The following NTM variants were observed in gnomAD, a reference collection of about 807,000 sequenced individuals.
The protein encoded by NTM is IgLON family member 2.
A neutral mutation model predicts 42.1 loss-of-function variants in NTM; 13 were observed. That is an observed-to-expected ratio of 0.31 (90% confidence interval 0.20 to 0.49). The LOEUF (loss-of-function observed/expected upper bound fraction) is 0.49. Among genes scored for constraint, NTM ranks in the 20% least tolerant of loss-of-function variants. The probability of loss-of-function intolerance (pLI) is 0.99; values close to 1 mark genes in which losing one functional copy is unlikely to be tolerated. For synonymous variants in NTM, 187 were observed against 179.2 expected, an observed-to-expected ratio of 1.04 and a Z score of -0.35; for missense variants, 373 against 452.8, an observed-to-expected ratio of 0.82 and a Z score of 1.60.
At chr11:131,852,125 G>C (rs1384380454) in intron 1 of NTM, among the ~76,000 whole-genome samples, 1 of 152,078 alleles carries the variant, frequency 6.6e-6, no homozygotes, top group Non-Finnish European at 1.5e-5. Context: ...CAGGGACAGA[G>C]TGTTCTAACC....
intron 2 of NTM, among the ~76,000 whole-genome samples, chr11:132,061,695 T>A (rs2080702465): frequency 6.6e-6 from 1 of 152,136 alleles, no homozygotes; most frequent in Non-Finnish European, 1.5e-5. Context: ...TCTCCTATGT[T>A]CCTGGGCATC....
At chr11:131,782,559 A>G (rs2088363740) in intron 1 of NTM, among the ~76,000 whole-genome samples, 1 of 152,142 alleles carries the variant, frequency 6.6e-6, no homozygotes, top group Non-Finnish European at 1.5e-5. Flanking sequence ...AAAAAGCTCT[A>G]TTAATCAAAA....
intron 2 of NTM, among the ~76,000 whole-genome samples, chr11:131,941,042 G>A (rs1348041060): frequency 1.3e-5 from 2 of 152,324 alleles, no homozygotes; most frequent in East Asian, 1.9e-4. Flanking sequence ...TAGGGCACGT[G>A]GAGGGGTTAA....
chr11:132,335,790 A>C lies in NTM; in HGVS notation c.*644A>C, dbSNP rs1204960665. ...CATGGATAACAAGGGATTCTGATTC[A>C]TTATTAATTTCATTAATTATATTTT... On this transcript the variant is annotated 3_prime_UTR_variant, in exon 9 of 9. Coordinates refer to ENST00000683400, the MANE Select transcript of NTM (RefSeq NM_001352005.2). 2 of 152,336 alleles carry C rather than the reference A, an allele frequency of 1.3e-5. No homozygotes were observed. Among genetic ancestry groups the C allele is most frequent in the Non-Finnish European group, 2.9e-5 (2 of 68,024 alleles). 9.4% of individuals were successfully genotyped at this position (152,336 alleles called of 1,614,324 possible). A position where few individuals can be genotyped will look rare whatever the true frequency, so the allele number is the denominator to read the frequency against.
chr11:131,816,835 T>C (rs1455319445), intron 1 of NTM, among the ~76,000 whole-genome samples: 2 of 98,090 alleles, frequency 2.0e-5, no homozygotes, highest in Non-Finnish European at 3.9e-5. Flanking sequence ...CAAGGGTCCA[T>C]ACTTAGCATA....
At chr11:131,501,118 C>T (rs76726974) in intron 1 of NTM, among the ~76,000 whole-genome samples, 1,702 of 152,108 alleles carry the variant, frequency 0.011, 37 homozygotes, top group African/African-American at 0.038. Context: ...TGCCTAGATA[C>T]GTAACCACAA....
At chr11:131,785,846 G>GTCAAATA (rs1480022486) in intron 1 of NTM, among the ~76,000 whole-genome samples, 2 of 152,254 alleles carry the variant, frequency 1.3e-5, no homozygotes, top group Non-Finnish European at 2.9e-5. Flanking sequence ...TAAACAGTCT[G>GTCAAATA]TCAAATATCA....
At chr11:131,461,879 A>C (rs766000798) in intron 1 of NTM, among the ~76,000 whole-genome samples, 3 of 152,248 alleles carry the variant, frequency 2.0e-5, no homozygotes, top group Non-Finnish European at 4.4e-5. Context: ...GATACAAAGC[A>C]GGGACATTCA....
chr11:131,689,839 G>T (rs2074426290), intron 1 of NTM, among the ~76,000 whole-genome samples: 1 of 152,184 alleles, frequency 6.6e-6, no homozygotes. Flanking sequence ...CCACCTGCCA[G>T]CCTTCCAGAG....
chr11:132,333,131 C>G (rs1246754251), intron 8 of NTM, among the ~76,000 whole-genome samples: 1 of 152,100 alleles, frequency 6.6e-6, no homozygotes, highest in East Asian at 1.9e-4. Flanking sequence ...CGGTGTGATT[C>G]ACGCATATGA....
intron 4 of NTM, among the ~76,000 whole-genome samples, chr11:132,274,051 TTTG>T (rs2093614448): frequency 6.6e-6 from 1 of 152,226 alleles, no homozygotes; most frequent in Admixed American, 6.5e-5. Flanking sequence ...TATGATCCTT[TTTG>T]TTCTGTAAGT....
intron 1 of NTM, among the ~76,000 whole-genome samples, chr11:131,665,136 AG>A (rs2068814796): frequency 6.6e-6 from 1 of 152,198 alleles, no homozygotes; most frequent in Admixed American, 6.5e-5. Context: ...TCTCCTCTCA[AG>A]GCTGACACCT....
At chr11:131,995,818 G>A (rs2067899530) in intron 2 of NTM, among the ~76,000 whole-genome samples, 1 of 151,982 alleles carries the variant, frequency 6.6e-6, no homozygotes, top group Non-Finnish European at 1.5e-5. Context: ...ACTAAAATTG[G>A]GGGTTTCTAC....
Position 131,789,873 on chromosome 11 carries a change from G to C in NTM, c.83-121691G>C, listed in dbSNP as rs568895787. Among the ~76,000 whole-genome samples the C allele has an allele frequency of 2.1e-5, 3 of 146,280 alleles. No individual in the cohort carries two copies. In the South Asian group the frequency reaches 6.6e-4, roughly 32 times the overall value. On this transcript the variant is annotated intron_variant, in intron 1 of 8. Coordinates refer to ENST00000683400, the MANE Select transcript of NTM (RefSeq NM_001352005.2). ...CGGGAGGCTGAGGCAGGAGAATGGC[G>C]TGAACCCGGGAGGCGGAGCTTGCAG...
intron 1 of NTM, among the ~76,000 whole-genome samples, chr11:131,492,660 T>A (rs1274691355): frequency 6.6e-6 from 1 of 152,018 alleles, no homozygotes; most frequent in Non-Finnish European, 1.5e-5. Flanking sequence ...CCTCAAGACT[T>A]CAAAGTGCAC....
intron 1 of NTM, among the ~76,000 whole-genome samples, chr11:131,817,127 G>T (rs1592059996): frequency 6.6e-6 from 1 of 152,054 alleles, no homozygotes; most frequent in Non-Finnish European, 1.5e-5. Flanking sequence ...ATTATTTTAG[G>T]TTTTAATTTT....
At chr11:132,277,036 ATTTC>A (rs2093754426) in intron 4 of NTM, among the ~76,000 whole-genome samples, 1 of 152,080 alleles carries the variant, frequency 6.6e-6, no homozygotes, top group South Asian at 2.1e-4. Flanking sequence ...ATCCACTTCT[ATTTC>A]TAGCAGTGCT....
Position 132,129,307 on chromosome 11 carries a change from A to T in NTM, c.168-16975A>T, listed in dbSNP as rs146627844. Among the ~76,000 whole-genome samples the T allele has an allele frequency of 3.1e-3, 465 of 152,338 alleles. 4 individuals are homozygous for T. Among genetic ancestry groups the T allele is most frequent in the African/African-American group, 8.9e-3 (371 of 41,576 alleles). The stretch of plus-strand genomic sequence containing the variant: ...ATGCTCTAAGTGATAGTTTAGAACC[A>T]ACTTAGGGGATAGTTTTCCTGTGTC... On this transcript the variant is annotated intron_variant, in intron 2 of 8. Coordinates refer to ENST00000683400, the MANE Select transcript of NTM (RefSeq NM_001352005.2).
chr11:131,867,331 G>C (rs558629858), intron 1 of NTM, among the ~76,000 whole-genome samples: 13 of 152,268 alleles, frequency 8.5e-5, no homozygotes, highest in African/African-American at 2.9e-4. Flanking sequence ...CGCTGTGTGC[G>C]TGCGGATGGA....
Sources: gnomAD v4.1 joint callset for allele counts (sites outside exome capture counted in the v4.1 genomes callset) on GRCh38, gnomAD v4.1.1 for gene constraint, MANE v1.5 for transcripts, NCBI Gene and HGNC (gene_info 2026-07-23, HGNC 2026-07-21) for gene names.